The following BRCA1 variants were observed in gnomAD, a reference collection of about 807,000 sequenced individuals.
The protein encoded by BRCA1 is breast cancer type 1 susceptibility protein.
BRCA1 carries 140 observed loss-of-function variants against 173.7 expected under a neutral mutation model. The observed-to-expected ratio is 0.81, with a 90% CI of 0.70 to 0.93. BRCA1 has a LOEUF of 0.93. Ranked by LOEUF, BRCA1 falls within the 40% of genes least tolerant of loss-of-function variation. The probability of loss-of-function intolerance (pLI) is 0.00; values close to 1 mark genes in which losing one functional copy is unlikely to be tolerated. For synonymous variants in BRCA1, 662 were observed against 756.0 expected, an observed-to-expected ratio of 0.88 and a Z score of 2.04; for missense variants, 1,983 against 2,172.5, an observed-to-expected ratio of 0.91 and a Z score of 1.73.
chr17:43,135,421 C>A (rs2056010822), intron 1 of BRCA1, among the ~76,000 whole-genome samples: 1 of 152,198 alleles, frequency 6.6e-6, no homozygotes, highest in Non-Finnish European at 1.5e-5. Flanking sequence ...TGCACCCGCT[C>A]CTTTATTAGG....
chr17:43,144,824 C>A, intron 1 of BRCA1: 1 of 434,492 alleles, frequency 2.3e-6, no homozygotes, highest in Admixed American at 3.1e-5. Flanking sequence ...AGTTCGAGAC[C>A]AGCCTGGCCA....
intron 2 of BRCA1, among the ~76,000 whole-genome samples, chr17:43,116,589 G>A (rs2055306871): frequency 6.6e-6 from 1 of 152,192 alleles, no homozygotes; most frequent in South Asian, 2.1e-4. Context: ...TGCGATCTCG[G>A]CTCACTGCAA....
chr17:43,165,185 T>A (rs2154581756), intron 1 of BRCA1, among the ~76,000 whole-genome samples: 1 of 152,344 alleles, frequency 6.6e-6, no homozygotes, highest in South Asian at 2.1e-4. Context: ...TTTTATAGAT[T>A]CTTTTTAACC....
chr17:43,146,393 C>T (rs138188004), intron 1 of BRCA1, among the ~76,000 whole-genome samples: 4,733 of 141,350 alleles, frequency 0.033, 142 homozygotes, highest in Admixed American at 0.11. Flanking sequence ...ACTGCAAGCT[C>T]TGCCTCCCGG....
upstream of BRCA1, chr17:43,125,599 C>T (rs555994106): frequency 1.3e-5 from 4 of 300,576 alleles, no homozygotes; most frequent in African/African-American, 2.2e-5. Context: ...AGAATTCTAC[C>T]TGAGTTTGCC....
intron 18 of BRCA1, among the ~76,000 whole-genome samples, chr17:43,060,555 G>A (rs1052488378): frequency 6.6e-6 from 1 of 151,794 alleles, no homozygotes; most frequent in South Asian, 2.1e-4. Context: ...GCAGTGATGC[G>A]ATCTTGGCTC....
chr17:43,110,086 G>T (rs917080706), intron 3 of BRCA1, among the ~76,000 whole-genome samples: 1 of 152,030 alleles, frequency 6.6e-6, no homozygotes, highest in Admixed American at 6.6e-5. Context: ...AGTAGAGGCG[G>T]GGTTTCACCA....
rs760464287 is a variant in BRCA1, at chr17:43,091,071, A to C, written c.4097-39T>G. The stretch of plus-strand genomic sequence containing the variant: ...AACAGAGGTTCAGATGTAAAAGCAG[A>C]CTATAAACGCTGCAACTTGCTGTGT... On this transcript the variant is annotated intron_variant, in intron 10 of 22. Coordinates refer to ENST00000357654, the MANE Select transcript of BRCA1 (RefSeq NM_007294.4). 1.9e-6 allele frequency: 3 copies of C among 1,560,164 alleles called. No individual in the cohort carries two copies. The East Asian group carries it at 6.8e-5, about 35-fold the overall frequency.
In BRCA1 at chr17:43,071,130, G is replaced by A. The variant is rs1395897649; in HGVS notation, c.4784C>T (p.Ser1595Phe). 3 of 1,614,224 alleles carry A rather than the reference G, an allele frequency of 1.9e-6. No individual in the cohort carries two copies. The highest frequency in any genetic ancestry group is 2.5e-6 in the Non-Finnish European group (3 of 1,180,026). Residue 1595 changes from serine (S) to phenylalanine (F), a missense_variant, in exon 15 of 23, where the codon TCT becomes TTT. By Grantham distance (155) the Ser-to-Phe change is radical (BLOSUM62 -2). Transcript: ENST00000357654. Reference protein sequence around the residue: ...PESARVGNIPSSTSALKVPQL... With the variant: ...PESARVGNIPFSTSALKVPQL... The stretch of plus-strand genomic sequence containing the variant: ...GGGAACTTTCAATGCAGAGGTTGAA[G>A]ATGGTATGTTGCCAACACGAGCTGA...
chr17:43,138,678 C>T (rs1267033782), intron 1 of BRCA1: 5 of 778,976 alleles, frequency 6.4e-6, no homozygotes, highest in Admixed American at 3.4e-5. Context: ...CCAGGAAGCA[C>T]ACATCAAGGC....
intron 1 of BRCA1, chr17:43,161,403 G>A (rs1213509174): frequency 3.3e-5 from 5 of 152,120 alleles, no homozygotes; most frequent in South Asian, 4.1e-4. Context: ...TGCTTTTCAC[G>A]GGAAGCATAG....
At position 43,141,838 on chromosome 17, in the gene BRCA1, A is replaced by C. The variant is rs1233652041; in HGVS notation, c.-19-17723T>G. 2.6e-5 allele frequency among the ~76,000 whole-genome samples: 4 copies of C among 152,126 alleles called. No individual in the cohort carries two copies. In the Middle Eastern group the frequency reaches 9.6e-3, roughly 363 times the overall value. On this transcript the variant is annotated intron_variant, in intron 1 of 7. Coordinates refer to the BRCA1 transcript ENST00000634433. Reference sequence around the variant, plus strand: ...AGCATAAAAATGTGAAATTATGTAAATATGCCAAAATAGGAACCTGGAGGT... The same window carrying C: ...AGCATAAAAATGTGAAATTATGTAACTATGCCAAAATAGGAACCTGGAGGT...
At chr17:43,079,126 A>G (rs2052879693) in intron 12 of BRCA1, among the ~76,000 whole-genome samples, 1 of 152,228 alleles carries the variant, frequency 6.6e-6, no homozygotes, top group Middle Eastern at 3.4e-3. Context: ...ATGAGCCGAA[A>G]TCACACCATT....
intron 1 of BRCA1, among the ~76,000 whole-genome samples, chr17:43,145,608 G>A (rs576015717): frequency 5.9e-5 from 9 of 152,286 alleles, no homozygotes; most frequent in African/African-American, 2.2e-4. Context: ...TTACAGGCGT[G>A]AGCCACTGCG....
intron 13 of BRCA1, among the ~76,000 whole-genome samples, chr17:43,075,845 GC>G (rs2052686664): frequency 6.6e-6 from 1 of 152,000 alleles, no homozygotes; most frequent in Admixed American, 6.6e-5. Context: ...ATGTTTTCTG[GC>G]TTTGGGAGGG....
At position 43,094,155 on chromosome 17, in the gene BRCA1, T is replaced by G; in HGVS notation, c.1376A>C (p.Lys459Thr). The G allele has an allele frequency of 6.2e-7, 1 of 1,614,090 alleles. No individual in the cohort carries two copies. Among genetic ancestry groups the G allele is most frequent in the Non-Finnish European group, 8.5e-7 (1 of 1,179,998 alleles). The change falls in exon 10 of 23, where the codon AAA becomes ACA. Residue 459 changes from lysine (K) to threonine (T), a missense_variant. Transcript: ENST00000357654. ...SKSVESNIED[K>T]IFGKTYRKKA... is the part of the protein sequence containing the mutation. Reference sequence around the variant, plus strand: ...CTTCCGATAGGTTTTCCCAAATATTTTGTCTTCAATATTACTCTCTACTGA... The same window carrying G: ...CTTCCGATAGGTTTTCCCAAATATTGTGTCTTCAATATTACTCTCTACTGA...
rs80357468 is a variant in BRCA1 at position 43,094,415 on chromosome 17, C to G, written c.1116G>C (p.Trp372Cys). ...ENPRDTEDVP[W>C]ITLNSSIQKV... ...TCTGAATGCTGCTATTTAGTGTTAT[C>G]CAAGGAACATCTTCAGTATCTCTAG... The change falls in exon 10 of 23, where the codon TGG becomes TGC. Residue 372 changes from tryptophan (W) to cysteine (C), a missense_variant. Coordinates refer to ENST00000357654, the MANE Select transcript of BRCA1 (RefSeq NM_007294.4). 1 of 1,614,146 alleles carries G rather than the reference C, an allele frequency of 6.2e-7. No individual in the cohort carries two copies. Among genetic ancestry groups the G allele is most frequent in the Non-Finnish European group, 8.5e-7 (1 of 1,180,034 alleles).
chr17:43,138,983 C>T (rs539167558), intron 1 of BRCA1: 2 of 778,222 alleles, frequency 2.6e-6, no homozygotes, highest in South Asian at 2.7e-5. Context: ...CACCTCTAGC[C>T]CCTCCAATGA....
chr17:43,051,924 T>C (rs2051258986), intron 19 of BRCA1, among the ~76,000 whole-genome samples: 1 of 152,194 alleles, frequency 6.6e-6, no homozygotes, highest in Admixed American at 6.6e-5. Flanking sequence ...CATAAGCCAC[T>C]GCGCCCGGCC....
Sources: gnomAD v4.1 joint callset for allele counts (sites outside exome capture counted in the v4.1 genomes callset) on GRCh38, gnomAD v4.1.1 for gene constraint, MANE v1.5 for transcripts, NCBI Gene and HGNC (gene_info 2026-07-23, HGNC 2026-07-21) for gene names.